MYO9B: variants seen among roughly 807,000 people sequenced by gnomAD.
The protein encoded by MYO9B is myosin IXB, also known as unconventional myosin-IXb.
A neutral mutation model predicts 229.5 loss-of-function variants in MYO9B; 71 were observed. The ratio of observed to expected loss-of-function variants is 0.31; its 90% CI spans 0.26 to 0.38. MYO9B has a LOEUF of 0.38. Among genes scored for constraint, MYO9B ranks in the 10% least tolerant of loss-of-function variants. MYO9B has a pLI of 1.00. For synonymous variants in MYO9B, 1,185 were observed against 1,235.8 expected (o/e 0.96, Z 0.86); for missense variants, 2,255 against 2,920.5 (o/e 0.77, Z 5.25).
Position 17,202,282 on chromosome 19 carries a change from G to C in MYO9B, c.4815G>C (p.Lys1605Asn). The change falls in exon 28 of 40, where the codon AAG becomes AAC. Residue 1605 changes from lysine (K) to asparagine (N), a missense_variant. By Grantham distance (94) the Lys-to-Asn change is moderately conservative. Around this residue, in one of 7 missense-constraint regions of MYO9B, gnomAD observed 416 missense variants for 605.5 expected, o/e 0.69. Coordinates refer to ENST00000682292, the MANE Select transcript of MYO9B (RefSeq NM_004145.4). ...LLDEFTRGYT[K>N]NDFEPVKQSK... ...ATGAGTTCACCCGTGGCTACACCAA[G>C]AACGACTTCGAGCCAGTGAAGGTGG... 1.3e-6 allele frequency: 2 copies of C among 1,567,708 alleles called. No individual in the cohort carries two copies. Among genetic ancestry groups the C allele is most frequent in the Non-Finnish European group, 1.7e-6 (2 of 1,157,812 alleles).
In MYO9B at chr19:17,101,927, G is replaced by T. The variant is rs766954986; in HGVS notation, c.210G>T (p.Glu70Asp). The T allele has an allele frequency of 1.9e-6, 3 of 1,613,548 alleles. No homozygotes were observed. The highest frequency in any genetic ancestry group is 1.3e-5 in the African/African-American group (1 of 74,948). Reference sequence around the variant, plus strand: ...GTTATGTGCTGGTGGAGGTCAAAGAGTCGGGAGGCGAGGAATGGGTGCTGG... The same window carrying T: ...GTTATGTGCTGGTGGAGGTCAAAGATTCGGGAGGCGAGGAATGGGTGCTGG... ...TKCYVLVEVKESGGEEWVLDA... is the reference protein window; with the variant it reads ...TKCYVLVEVKDSGGEEWVLDA... The change falls in exon 2 of 40, where the codon GAG becomes GAT. Residue 70 changes from glutamate (E) to aspartate (D), a missense_variant. Around this residue, in one of 7 missense-constraint regions of MYO9B, gnomAD observed 386 missense variants for 515.2 expected, o/e 0.75. Transcript: ENST00000682292. The surrounding 1 kb of genome is among the most constrained non-coding windows in gnomAD (Gnocchi z 4.7).
intron 2 of MYO9B, among the ~76,000 whole-genome samples, chr19:17,134,537 GC>G (rs2072245800): frequency 6.6e-6 from 1 of 151,328 alleles, no homozygotes; most frequent in South Asian, 2.1e-4. Context: ...GATTATAGGA[GC>G]CCACCAACAT....
intron 11 of MYO9B, among the ~76,000 whole-genome samples, chr19:17,171,079 A>C (rs986056961): frequency 6.6e-6 from 1 of 152,020 alleles, no homozygotes; most frequent in Non-Finnish European, 1.5e-5. Flanking sequence ...TTTGGGGGAC[A>C]CTCAAGGCAG....
chr19:17,162,674 A>G (rs2072616632), intron 9 of MYO9B, among the ~76,000 whole-genome samples: 2 of 152,154 alleles, frequency 1.3e-5, no homozygotes, highest in South Asian at 4.2e-4. Context: ...CCCTTATTCA[A>G]AAACGACAGA....
chr19:17,193,129 T>C lies in MYO9B; in HGVS notation c.3128+67T>C. The C allele has an allele frequency of 2.1e-6, 3 of 1,403,782 alleles. No individual in the cohort carries two copies. The highest frequency in any genetic ancestry group is 2.8e-6 in the Non-Finnish European group (3 of 1,073,084). 87.0% of individuals were successfully genotyped at this position (1,403,782 alleles called of 1,614,324 possible). ...CCAAAAAGGTCACTCACCAAATTGC[T>C]GCCCGTGATATACCATCTGGCCTGT... On this transcript the variant is annotated intron_variant, in intron 21 of 39. Coordinates refer to ENST00000682292, the MANE Select transcript of MYO9B (RefSeq NM_004145.4). The surrounding 1 kb of genome is among the most constrained non-coding windows in gnomAD (Gnocchi z 4.3).
chr19:17,117,937 CAAAAAAAAAAA>C (rs567862829), intron 2 of MYO9B, among the ~76,000 whole-genome samples: 2 of 91,404 alleles, frequency 2.2e-5, no homozygotes, highest in Admixed American at 1.3e-4. Flanking sequence ...CACTCTTCCT[CAAAAAAAAAAA>C]AAAAAAAAAG....
At chr19:17,201,804 A>AT in intron 26 of MYO9B, 122 bp from the exon 27 acceptor site, 1 of 712,002 alleles carries the variant, frequency 1.4e-6, no homozygotes, top group South Asian at 1.8e-5. Flanking sequence ...GAGGGACTGG[A>AT]TTTTATCCCG....
At chr19:17,161,889 G>A (rs149185150) in intron 8 of MYO9B, among the ~76,000 whole-genome samples, 409 of 151,442 alleles carry the variant, frequency 2.7e-3, no homozygotes, top group Admixed American at 8.2e-3. Context: ...ACAGGAGGCT[G>A]AGGCAGGAAG....
At chr19:17,167,863 G>T in intron 10 of MYO9B, 80 bp from the exon 11 acceptor site, 1 of 1,498,696 alleles carries the variant, frequency 6.7e-7, no homozygotes, top group South Asian at 1.2e-5. Flanking sequence ...AGGGATACTC[G>T]ACCTGTATGC....
intron 1 of MYO9B, among the ~76,000 whole-genome samples, chr19:17,089,853 C>CA (rs1234807505): frequency 6.6e-6 from 1 of 152,016 alleles, no homozygotes; most frequent in African/African-American, 2.4e-5. Flanking sequence ...AGTGTTGTGC[C>CA]AACACCAGCT....
rs961554360 is a variant in MYO9B, at chr19:17,165,776, TAAAAGAAA to T, written c.1672-2157_1672-2150del. 4.6e-5 allele frequency among the ~76,000 whole-genome samples: 7 copies of T among 152,056 alleles called. No individual in the cohort carries two copies. The South Asian group carries it at 1.2e-3, about 27-fold the overall frequency. ...GGCAACAGTGTGAGACCCTGTCTCT[TAAAAGAAA>T]AAAAGAAAATGTGAAGATTCCTGTT... On this transcript the variant is annotated intron_variant, in intron 10 of 39. Coordinates refer to ENST00000682292, the MANE Select transcript of MYO9B (RefSeq NM_004145.4).
chr19:17,076,067 T>G (rs2057479177), intron 1 of MYO9B, among the ~76,000 whole-genome samples, 193 bp downstream of exon 1: 2 of 122,322 alleles, frequency 1.6e-5, no homozygotes, highest in South Asian at 2.7e-4. Flanking sequence ...AGAAAGTGGA[T>G]GGGGATGGAG....
intron 2 of MYO9B, chr19:17,103,225 G>T (rs1200412604): frequency 2.6e-5 from 4 of 152,122 alleles, no homozygotes; most frequent in African/African-American, 9.7e-5. Flanking sequence ...GAGAGAAAAA[G>T]TGGAGGTTTT....
At chr19:17,204,865 A>G (rs2073142450) in intron 30 of MYO9B, among the ~76,000 whole-genome samples, 1 of 152,012 alleles carries the variant, frequency 6.6e-6, no homozygotes, top group Non-Finnish European at 1.5e-5. Context: ...AAAGAAGGCA[A>G]TCCAGGCCAG....
At position 17,175,744 on chromosome 19, in the gene MYO9B, G is replaced by A. The variant is rs192445262; in HGVS notation, c.2219+3G>A. The A allele has an allele frequency of 5.1e-6, 8 of 1,571,968 alleles. No homozygotes were observed. The African/African-American group carries it at 8.1e-5, about 16-fold the overall frequency. Reference sequence around the variant, plus strand: ...ACCCCTTCGGAAAAACTTTACCGGTGAGCAAGACCCTGATTTGCCCAAACT... The same window carrying A: ...ACCCCTTCGGAAAAACTTTACCGGTAAGCAAGACCCTGATTTGCCCAAACT... On this transcript the variant is annotated splice_donor_region_variant and intron_variant, in intron 14 of 39. Transcript: ENST00000682292.
In MYO9B at chr19:17,101,745, G is replaced by C; in HGVS notation, c.28G>C (p.Gly10Arg). ...GAGTGTGAAAGAGGCAGGCAGCTCG[G>C]GCCGCCGGGAGCAGGCGGCCTACCA... is the stretch of plus-strand genomic sequence containing the variant. MSVKEAGSS[G>R]RREQAAYHLH... is the part of the protein sequence containing the mutation. Residue 10 changes from glycine to arginine, a missense_variant, in exon 2 of 40, where the codon GGC (glycine) becomes CGC (arginine). Coordinates refer to ENST00000682292, the MANE Select transcript of MYO9B (RefSeq NM_004145.4). This position sits in a 1 kb window ranked among gnomAD's most constrained non-coding sequence, Gnocchi z 4.7. 6.3e-7 allele frequency: 1 copy of C among 1,590,060 alleles called. No individual in the cohort carries two copies. The highest frequency in any genetic ancestry group is 8.5e-7 in the Non-Finnish European group (1 of 1,173,974).
rs1019029301 is a variant in MYO9B at position 17,195,050 on chromosome 19, C to T, written c.3623C>T (p.Thr1208Met). 23 of 1,612,892 alleles carry T rather than the reference C, an allele frequency of 1.4e-5. No individual in the cohort carries two copies. Among genetic ancestry groups the T allele is most frequent in the Non-Finnish European group, 1.9e-5 (22 of 1,179,878 alleles). Residue 1208 changes from threonine to methionine, a missense_variant, in exon 22 of 40, where the codon ACG (threonine) becomes ATG (methionine). Thr to Met is a moderately conservative substitution (Grantham distance 81). Transcript: ENST00000682292. This position sits in a 1 kb window ranked among gnomAD's most constrained non-coding sequence, Gnocchi z 4.5. ...REDETLLVVE[T>M]EAENTSQKQP... The stretch of plus-strand genomic sequence containing the variant: ...GATGAAACCCTTCTAGTCGTAGAGA[C>T]GGAGGCTGAGAACACATCTCAAAAG...
chr19:17,091,793 C>G (rs955858580), intron 1 of MYO9B, among the ~76,000 whole-genome samples: 1 of 152,164 alleles, frequency 6.6e-6, no homozygotes, highest in African/African-American at 2.4e-5. Context: ...CCTGGCTGCT[C>G]AGCAGCCGCC....
At chr19:17,209,535 C>T (rs1244420498) in intron 35 of MYO9B, 51 bp from the exon 36 acceptor site, 7 of 1,542,602 alleles carry the variant, frequency 4.5e-6, no homozygotes, top group Non-Finnish European at 6.1e-6. Flanking sequence ...GGACCTCAGA[C>T]GTCCCCGGGG....
Sources: gnomAD v4.1 joint callset for allele counts (sites outside exome capture counted in the v4.1 genomes callset) on GRCh38, gnomAD v4.1.1 for gene constraint, gnomAD v4.1.1 regional missense constraint, Gnocchi (gnomAD v3.1) non-coding constraint, MANE v1.5 for transcripts, NCBI Gene and HGNC (gene_info 2026-07-23, HGNC 2026-07-21) for gene names.